Variants in GLIS3 observed in about 807,000 individuals in gnomAD.
GLIS3 encodes the protein GLIS family zinc finger 3.
Under a neutral mutation model 78.6 loss-of-function variants are expected in GLIS3, and 53 were observed. The ratio of observed to expected loss-of-function variants is 0.67; its 90% CI spans 0.54 to 0.85. The LOEUF is 0.85. Among genes scored for constraint, GLIS3 ranks in the 40% least tolerant of loss-of-function variants. The pLI is 0.00. For missense variants in GLIS3, 1,703 were observed against 1,231.1 expected (o/e 1.38, Z -5.74); for synonymous variants, 684 against 509.9 (o/e 1.34, Z -4.60).
chr9:4,356,587 G>A, the GLIS3 span, among the ~76,000 whole-genome samples: 1 of 152,342 alleles, frequency 6.6e-6, no homozygotes, highest in Non-Finnish European at 1.5e-5. Flanking sequence ...GGGTCAAGCT[G>A]TCTCTATTGC....
At chr9:4,256,036 AT>A (rs201913239) in intron 2 of GLIS3, among the ~76,000 whole-genome samples, 43 of 150,834 alleles carry the variant, frequency 2.9e-4, no homozygotes, top group Middle Eastern at 3.4e-3. Flanking sequence ...AACTAAGTCT[AT>A]TTTTTTTTTA....
the GLIS3 span, among the ~76,000 whole-genome samples, chr9:4,370,183 CAAAAAA>C: frequency 4.5e-5 from 4 of 88,380 alleles, no homozygotes; most frequent in East Asian, 1.3e-3. Context: ...GACTCCATCT[CAAAAAA>C]AAAAAAAAAA....
intron 9 of GLIS3, among the ~76,000 whole-genome samples, chr9:3,846,381 T>C (rs1442950974): frequency 6.6e-6 from 1 of 152,304 alleles, no homozygotes; most frequent in Middle Eastern, 3.4e-3. Flanking sequence ...TCTTCCATTG[T>C]CTCACCTGGG....
chr9:4,426,509 A>G, the GLIS3 span, among the ~76,000 whole-genome samples: 1 of 152,080 alleles, frequency 6.6e-6, no homozygotes, highest in African/African-American at 2.4e-5. Context: ...GCCCATCACT[A>G]TTTGTCAGAA....
chr9:4,007,547 G>A (rs181637526), intron 4 of GLIS3, among the ~76,000 whole-genome samples: 3 of 152,074 alleles, frequency 2.0e-5, no homozygotes, highest in Admixed American at 6.5e-5. Flanking sequence ...AGGGATAGCT[G>A]GAATTTCAAT....
chr9:3,880,761 C>T (rs1821677215), intron 7 of GLIS3, among the ~76,000 whole-genome samples: 1 of 152,142 alleles, frequency 6.6e-6, no homozygotes, highest in Non-Finnish European at 1.5e-5. Flanking sequence ...AAAGCTTAAT[C>T]CAATGGAACA....
chr9:4,361,464 T>A, the GLIS3 span, among the ~76,000 whole-genome samples: 2 of 152,216 alleles, frequency 1.3e-5, no homozygotes, highest in African/African-American at 4.8e-5. Flanking sequence ...ACAGTTCATA[T>A]AAATACAATA....
intron 3 of GLIS3, among the ~76,000 whole-genome samples, chr9:4,120,652 A>G (rs1387571440): frequency 6.6e-6 from 1 of 152,194 alleles, no homozygotes; most frequent in African/African-American, 2.4e-5. Context: ...CCTATCGTAT[A>G]TGAGACAGAG....
chr9:4,251,327 T>TA (rs1293323607), intron 2 of GLIS3, among the ~76,000 whole-genome samples: 1 of 152,224 alleles, frequency 6.6e-6, no homozygotes, highest in South Asian at 2.1e-4. Context: ...TAGTTTACTC[T>TA]ACTTGTTGTG....
chr9:3,879,307 CT>C (rs771935744), intron 8 of GLIS3, 119 bp downstream of exon 8: 2 of 930,300 alleles, frequency 2.1e-6, no homozygotes, highest in Non-Finnish European at 3.6e-6. Flanking sequence ...AAAATGTCAC[CT>C]TTGGGTAACT....
At chr9:4,202,107 T>C (rs1449063257) in intron 2 of GLIS3, among the ~76,000 whole-genome samples, 2 of 151,360 alleles carry the variant, frequency 1.3e-5, no homozygotes, top group Non-Finnish European at 2.9e-5. Flanking sequence ...CACTACAGTA[T>C]AGCCTGGGTG....
At chr9:4,484,250 T>TA in the GLIS3 span, among the ~76,000 whole-genome samples, 1 of 150,184 alleles carries the variant, frequency 6.7e-6, no homozygotes, top group Non-Finnish European at 1.5e-5. Flanking sequence ...TTTTTTTTAT[T>TA]TTTTTGAGAC....
chr9:4,097,639 A>G (rs759818752), intron 4 of GLIS3, among the ~76,000 whole-genome samples: 8 of 152,224 alleles, frequency 5.3e-5, no homozygotes, highest in Admixed American at 1.3e-4. Context: ...TTGCCAAGAT[A>G]AAATATTTTA....
At chr9:4,234,685 G>A (rs561095197) in intron 2 of GLIS3, among the ~76,000 whole-genome samples, 20 of 152,162 alleles carry the variant, frequency 1.3e-4, no homozygotes, top group African/African-American at 3.9e-4. Flanking sequence ...GCACTTACTC[G>A]ATGCAGGTTT....
At chr9:4,447,498 C>G in the GLIS3 span, among the ~76,000 whole-genome samples, 2 of 152,146 alleles carry the variant, frequency 1.3e-5, no homozygotes, top group African/African-American at 2.4e-5. Flanking sequence ...TCTTGCATGT[C>G]TTATTTCATT....
At chr9:3,867,743 G>C (rs904849277) in intron 8 of GLIS3, among the ~76,000 whole-genome samples, 1 of 151,808 alleles carries the variant, frequency 6.6e-6, no homozygotes, top group Non-Finnish European at 1.5e-5. Context: ...GCGTGTGTGT[G>C]TGTGTGTGTG....
chr9:4,163,283 C>T (rs1009637480), intron 2 of GLIS3, among the ~76,000 whole-genome samples: 9 of 152,138 alleles, frequency 5.9e-5, no homozygotes, highest in Admixed American at 6.5e-5. Flanking sequence ...CACGCGCGCA[C>T]ACATACCATT....
intron 2 of GLIS3, among the ~76,000 whole-genome samples, chr9:4,148,496 A>G (rs1206417931): frequency 6.6e-6 from 1 of 151,982 alleles, no homozygotes; most frequent in African/African-American, 2.4e-5. Context: ...AAACTCCCAC[A>G]TAGTTATTCA....
chr9:4,406,928 G>A, the GLIS3 span, among the ~76,000 whole-genome samples: 2 of 152,076 alleles, frequency 1.3e-5, no homozygotes, highest in Admixed American at 6.5e-5. Context: ...ATTCTTCACA[G>A]AAATAGAAAA....
Sources: gnomAD v4.1 joint callset for allele counts (sites outside exome capture counted in the v4.1 genomes callset) on GRCh38, gnomAD v4.1.1 for gene constraint, MANE v1.5 for transcripts, NCBI Gene and HGNC (gene_info 2026-07-23, HGNC 2026-07-21) for gene names.